TOX2: variants seen among roughly 807,000 people sequenced by gnomAD.
TOX2 encodes the protein granulosa cell HMG box 1.
In TOX2, 15 loss-of-function variants were observed where a neutral mutation model predicts 47.4. The observed-to-expected ratio is 0.32, with a 90% CI of 0.21 to 0.49. The LOEUF (loss-of-function observed/expected upper bound fraction) is 0.49, where lower values mean the gene tolerates loss of function less well. Ranked by LOEUF, TOX2 falls within the 20% of genes least tolerant of loss-of-function variation. TOX2 has a pLI of 0.99. For synonymous variants in TOX2, 290 were observed against 296.6 expected, an observed-to-expected ratio of 0.98 and a Z score of 0.23; for missense variants, 622 against 673.1, an observed-to-expected ratio of 0.92 and a Z score of 0.84.
chr20:43,949,980 TC>T (rs1225319883), intron 1 of TOX2, among the ~76,000 whole-genome samples: 1 of 152,120 alleles, frequency 6.6e-6, no homozygotes, highest in East Asian at 1.9e-4. Flanking sequence ...TGGAATAGGA[TC>T]CTCAAACTGG....
At chr20:43,977,218 T>C (rs898721701) in intron 2 of TOX2, among the ~76,000 whole-genome samples, 1 of 152,188 alleles carries the variant, frequency 6.6e-6, no homozygotes, top group Admixed American at 6.5e-5. Flanking sequence ...TTCTCCAGCC[T>C]CAGCCTCCCG....
intron 1 of TOX2, among the ~76,000 whole-genome samples, chr20:43,922,007 T>C (rs1343318820): frequency 6.6e-6 from 1 of 152,118 alleles, no homozygotes; most frequent in Non-Finnish European, 1.5e-5. Flanking sequence ...GAAAGTGGGT[T>C]TTGGAGGCAG....
intron 3 of TOX2, among the ~76,000 whole-genome samples, chr20:44,042,926 T>C (rs1006804476): frequency 2.0e-5 from 3 of 151,730 alleles, no homozygotes; most frequent in African/African-American, 7.3e-5. Flanking sequence ...GTGCCTGGGG[T>C]TGTAAGGGAA....
Position 44,032,304 on chromosome 20 carries a change from G to A in TOX2, c.412-19002G>A, listed in dbSNP as rs569433615. On this transcript the variant is annotated intron_variant, in intron 3 of 8. Coordinates refer to ENST00000341197, the MANE Select transcript of TOX2 (RefSeq NM_001098797.2). The stretch of plus-strand genomic sequence containing the variant: ...TTTGGACTGGATTGTTCTTCATTGC[G>A]GGGCTGCCCTGTGCATTGCAGGATG... 2.8e-4 allele frequency among the ~76,000 whole-genome samples: 43 copies of A among 152,302 alleles called. No homozygotes were observed. In the South Asian group the frequency reaches 5.2e-3, roughly 18 times the overall value.
intron 1 of TOX2, among the ~76,000 whole-genome samples, chr20:43,946,809 G>C (rs1467034216): frequency 6.6e-6 from 1 of 152,156 alleles, no homozygotes; most frequent in Non-Finnish European, 1.5e-5. Context: ...GGTGATGGGA[G>C]TTGACTGGGT....
rs1039013876 is a variant in TOX2, at chr20:43,916,206, G to A, written c.99+1216G>A. 7 of 985,430 alleles carry A rather than the reference G, an allele frequency of 7.1e-6. No homozygotes were observed. Among genetic ancestry groups the A allele is most frequent in the Non-Finnish European group, 8.4e-6 (7 of 830,026 alleles). 61.0% of individuals were successfully genotyped at this position (985,430 alleles called of 1,614,324 possible). A position where few individuals can be genotyped will look rare whatever the true frequency, so the allele number is the denominator to read the frequency against. On this transcript the variant is annotated intron_variant, in intron 1 of 8. Coordinates refer to ENST00000341197, the MANE Select transcript of TOX2 (RefSeq NM_001098797.2). The surrounding 1 kb of genome is among the most constrained non-coding windows in gnomAD (Gnocchi z 5.0). Reference sequence around the variant, plus strand: ...AGACGCGTGGGCTCCGTGGCGATGCGGGGTGAGTGCGCGTCCAGTGGCTGG... The same window carrying A: ...AGACGCGTGGGCTCCGTGGCGATGCAGGGTGAGTGCGCGTCCAGTGGCTGG...
At chr20:44,038,345 G>A (rs2071273144) in intron 3 of TOX2, among the ~76,000 whole-genome samples, 1 of 152,140 alleles carries the variant, frequency 6.6e-6, no homozygotes. Context: ...GCAGTGAGCT[G>A]TCATTGCACC....
chr20:44,007,883 C>T (rs2070714790), intron 3 of TOX2, among the ~76,000 whole-genome samples: 1 of 152,112 alleles, frequency 6.6e-6, no homozygotes, highest in African/African-American at 2.4e-5. Flanking sequence ...CCCTAGGCAA[C>T]CACTAATTGA....
At chr20:44,027,922 TCC>T (rs2071090544) in intron 3 of TOX2, among the ~76,000 whole-genome samples, 1 of 152,030 alleles carries the variant, frequency 6.6e-6, no homozygotes, top group Non-Finnish European at 1.5e-5. Flanking sequence ...GGCCTAGAGC[TCC>T]CAGCCCACCT....
intron 1 of TOX2, among the ~76,000 whole-genome samples, chr20:43,950,508 T>C (rs4812773): frequency 0.68 from 103,250 of 151,312 alleles, 35,883 homozygotes; most frequent in East Asian, 0.82. Flanking sequence ...TTGCTCTGCC[T>C]GTCTTTGCTG....
chr20:44,062,088 C>T (rs1029868482), intron 5 of TOX2, among the ~76,000 whole-genome samples: 8 of 151,746 alleles, frequency 5.3e-5, no homozygotes, highest in Non-Finnish European at 1.0e-4. Flanking sequence ...CCCATTTATT[C>T]GATGCAGTAC....
At position 44,068,643 on chromosome 20, in the gene TOX2, C is replaced by T; in HGVS notation, c.1485-7C>T. The T allele has an allele frequency of 1.2e-6, 2 of 1,611,634 alleles. No homozygotes were observed. Among genetic ancestry groups the T allele is most frequent in the Non-Finnish European group, 8.5e-7 (1 of 1,178,164 alleles). On this transcript the variant is annotated splice_polypyrimidine_tract_variant and splice_region_variant and intron_variant, in intron 8 of 8. Coordinates refer to ENST00000341197, the MANE Select transcript of TOX2 (RefSeq NM_001098797.2). ...ACAGCTTTGACAGCCCCTCCTCTCT[C>T]TCACAGCCTGCTCCCCAGGGACAAA...
intron 3 of TOX2, among the ~76,000 whole-genome samples, chr20:44,013,444 G>A (rs533031953): frequency 6.6e-6 from 1 of 152,228 alleles, no homozygotes; most frequent in African/African-American, 2.4e-5. Context: ...ACACAAGGAA[G>A]AAAGACCCTC....
intron 3 of TOX2, among the ~76,000 whole-genome samples, chr20:44,026,205 G>A (rs1425879280): frequency 1.9e-5 from 2 of 105,468 alleles, no homozygotes; most frequent in East Asian, 2.6e-4. Context: ...AATGCCCATC[G>A]ATCGAGTGGA....
At chr20:43,946,790 G>A (rs776411348) in intron 1 of TOX2, among the ~76,000 whole-genome samples, 1 of 152,190 alleles carries the variant, frequency 6.6e-6, no homozygotes, top group Non-Finnish European at 1.5e-5. Context: ...GTGCCTGGGA[G>A]GCTATCTTGG....
intron 1 of TOX2, among the ~76,000 whole-genome samples, chr20:43,972,178 G>A (rs543225861): frequency 1.1e-4 from 17 of 152,236 alleles, no homozygotes; most frequent in Admixed American, 8.5e-4. Context: ...TGGTCAATTG[G>A]GGGCCACCTT....
At chr20:44,027,321 C>T (rs2071082293) in intron 3 of TOX2, among the ~76,000 whole-genome samples, 1 of 152,184 alleles carries the variant, frequency 6.6e-6, no homozygotes, top group African/African-American at 2.4e-5. Context: ...GGGTCACCCT[C>T]CCCTCCTTCT....
At chr20:44,063,631 A>G (rs961892933) in intron 5 of TOX2, among the ~76,000 whole-genome samples, 2 of 152,208 alleles carry the variant, frequency 1.3e-5, no homozygotes, top group Non-Finnish European at 2.9e-5. Flanking sequence ...AAGAAATTTT[A>G]CAAAAAAGAT....
At chr20:43,949,117 G>A (rs935154154) in intron 1 of TOX2, among the ~76,000 whole-genome samples, 10 of 152,128 alleles carry the variant, frequency 6.6e-5, no homozygotes, top group Non-Finnish European at 1.5e-4. Context: ...CACACCCTCC[G>A]TCACCTCAAA....
Sources: gnomAD v4.1 joint callset for allele counts (sites outside exome capture counted in the v4.1 genomes callset) on GRCh38, gnomAD v4.1.1 for gene constraint, Gnocchi (gnomAD v3.1) non-coding constraint, MANE v1.5 for transcripts, NCBI Gene and HGNC (gene_info 2026-07-23, HGNC 2026-07-21) for gene names.